SYTL2: variants seen among roughly 807,000 people sequenced by gnomAD.
SYTL2 encodes the protein synaptotagmin-like protein 2.
Under a neutral mutation model 198.7 loss-of-function variants are expected in SYTL2, and 165 were observed. The ratio of observed to expected loss-of-function variants is 0.83; its 90% confidence interval spans 0.73 to 0.94. SYTL2 has a LOEUF of 0.94. Ranked by LOEUF, SYTL2 falls within the 40% of genes least tolerant of loss-of-function variation. SYTL2 has a pLI of 0.00. For synonymous variants in SYTL2, 966 were observed against 917.7 expected, an observed-to-expected ratio of 1.05 and a Z score of -0.95; for missense variants, 2,835 against 2,582.8, an observed-to-expected ratio of 1.10 and a Z score of -2.12.
intron 1 of SYTL2, among the ~76,000 whole-genome samples, chr11:85,796,546 T>C (rs1190688867): frequency 6.6e-6 from 1 of 152,194 alleles, no homozygotes; most frequent in Admixed American, 6.5e-5. Context: ...CCTTCTCCAA[T>C]AGCTCTTTGT....
chr11:85,731,763 T>G (rs596029), intron 7 of SYTL2, among the ~76,000 whole-genome samples: 107,732 of 151,708 alleles, frequency 0.71, 38,854 homozygotes, highest in African/African-American at 0.83. Context: ...AGCTTCTTCA[T>G]AGCAAAAGAA....
the SYTL2 span, among the ~76,000 whole-genome samples, chr11:85,835,269 A>G: frequency 2.6e-5 from 4 of 152,180 alleles, no homozygotes; most frequent in Non-Finnish European, 5.9e-5. Context: ...CTAATTTGAA[A>G]TATCACTTTT....
Position 85,714,418 on chromosome 11 carries a change from C to G in SYTL2, c.5620G>C (p.Asp1874His), listed in dbSNP as rs1244540637. ...MSKSVPAFLQ[D>H]ESDDRETDTA... ...GGTACAAAAGACAAACTTGCCTCAT[C>G]TTGGAGAAATGCTGGAACAGACTTG... Residue 1874 changes from aspartate to histidine, a missense_variant, in exon 12 of 20, where the codon GAT (aspartate) becomes CAT (histidine). Asp to His is a moderately conservative substitution (Grantham distance 81). Transcript: ENST00000359152. The G allele has an allele frequency of 1.2e-6, 2 of 1,612,438 alleles. No individual in the cohort carries two copies. Among genetic ancestry groups the G allele is most frequent in the South Asian group, 1.1e-5 (1 of 91,030 alleles).
At chr11:85,749,445 G>A (rs1298599135) in intron 2 of SYTL2, among the ~76,000 whole-genome samples, 1 of 152,172 alleles carries the variant, frequency 6.6e-6, no homozygotes, top group East Asian at 1.9e-4. Flanking sequence ...GAATGTGAAT[G>A]GGCCAAGGTG....
At chr11:85,849,458 G>A in the SYTL2 span, among the ~76,000 whole-genome samples, 1 of 152,106 alleles carries the variant, frequency 6.6e-6, no homozygotes, top group East Asian at 1.9e-4. Flanking sequence ...ATCTTGAATT[G>A]ATTTTTGTAT....
the SYTL2 span, among the ~76,000 whole-genome samples, chr11:85,845,965 T>C: frequency 6.6e-6 from 1 of 152,204 alleles, no homozygotes; most frequent in African/African-American, 2.4e-5. Flanking sequence ...ACCACCACTT[T>C]ATTACAGCTC....
At chr11:85,834,007 G>C in the SYTL2 span, among the ~76,000 whole-genome samples, 1 of 152,004 alleles carries the variant, frequency 6.6e-6, no homozygotes, top group East Asian at 1.9e-4. Flanking sequence ...CCAAATTGCT[G>C]GGATTAAAGG....
chr11:85,792,653 G>A (rs1053409498), intron 1 of SYTL2, among the ~76,000 whole-genome samples: 2 of 150,788 alleles, frequency 1.3e-5, no homozygotes, highest in African/African-American at 4.9e-5. Flanking sequence ...TATACTTTAA[G>A]TTTTAGGGTA....
chr11:85,774,297 C>A (rs1488374144), intron 1 of SYTL2, among the ~76,000 whole-genome samples: 1 of 152,176 alleles, frequency 6.6e-6, no homozygotes, highest in Non-Finnish European at 1.5e-5. Flanking sequence ...GCAAAGTAGG[C>A]ACCATCACCC....
intron 1 of SYTL2, among the ~76,000 whole-genome samples, chr11:85,778,911 G>C (rs1372507161): frequency 2.0e-5 from 3 of 152,208 alleles, no homozygotes; most frequent in African/African-American, 7.2e-5. Flanking sequence ...CTGGGAGGCA[G>C]AGGTTGCGGT....
chr11:85,761,094 G>C (rs568118298), intron 1 of SYTL2, among the ~76,000 whole-genome samples: 3 of 152,316 alleles, frequency 2.0e-5, no homozygotes, highest in South Asian at 4.1e-4. Context: ...TGCAGCAAGG[G>C]AACAAGACAG....
chr11:85,727,023 C>A lies in SYTL2; in HGVS notation c.2335G>T (p.Val779Phe). The stretch of plus-strand genomic sequence containing the variant: ...TCTCTCTGCACTTGGTTCTTGGGAA[C>A]CTCACCAGCTTCTTGCTGGAATTGG... ...EVQFQQEAGE[V>F]PKNQVQREKY... The change falls in exon 8 of 20, where the codon GTT becomes TTT. Residue 779 changes from valine (V) to phenylalanine (F), a missense_variant. Val to Phe is a conservative substitution (Grantham distance 50, BLOSUM62 -1). Coordinates refer to ENST00000359152, the MANE Select transcript of SYTL2 (RefSeq NM_206927.4). 1.0e-5 allele frequency: 16 copies of A among 1,536,496 alleles called. No individual in the cohort carries two copies. The highest frequency in any genetic ancestry group is 1.2e-5 in the Non-Finnish European group (14 of 1,146,974).
At chr11:85,818,146 AC>A in the SYTL2 span, among the ~76,000 whole-genome samples, 1 of 151,908 alleles carries the variant, frequency 6.6e-6, no homozygotes, top group African/African-American at 2.4e-5. Flanking sequence ...CAAGTGATCC[AC>A]CTGCCCCAGC....
At chr11:85,785,954 C>G (rs997529175) in intron 1 of SYTL2, among the ~76,000 whole-genome samples, 11 of 152,166 alleles carry the variant, frequency 7.2e-5, no homozygotes, top group African/African-American at 2.2e-4. Context: ...TAAAAAAGTC[C>G]TGTTCATTCC....
In SYTL2 at chr11:85,726,029, G is replaced by C; in HGVS notation, c.3329C>G (p.Ser1110Ter). 1 of 1,613,018 alleles carries C rather than the reference G, an allele frequency of 6.2e-7. No individual in the cohort carries two copies. The highest frequency in any genetic ancestry group is 8.5e-7 in the Non-Finnish European group (1 of 1,179,656). Reference sequence around the variant, plus strand: ...TATGGATTCTTGAATCTCTTGTTCTGAGTAATCCTTTTCTTCCTTAAACAC... The same window carrying C: ...TATGGATTCTTGAATCTCTTGTTCTCAGTAATCCTTTTCTTCCTTAAACAC... ...TPVFKEEKDY[S>*]EQEIQESIIK... is the part of the protein sequence containing the mutation. The change falls in exon 8 of 20, where the codon TCA becomes TGA. Residue 1110 changes from serine to a stop codon, truncating the protein, a stop_gained. Transcript: ENST00000359152. LOFTEE classifies it high-confidence loss of function.
chr11:85,786,264 G>C (rs1410573863), intron 1 of SYTL2, among the ~76,000 whole-genome samples: 3 of 152,192 alleles, frequency 2.0e-5, no homozygotes, highest in Non-Finnish European at 4.4e-5. Flanking sequence ...TGTGGAGGCT[G>C]TAGGGAGGTG....
intron 13 of SYTL2, among the ~76,000 whole-genome samples, chr11:85,709,786 G>A (rs956500497): frequency 2.6e-5 from 4 of 152,028 alleles, no homozygotes; most frequent in Admixed American, 1.3e-4. Flanking sequence ...AGGTTCAGGC[G>A]ATTCTCCTGA....
chr11:85,760,699 TG>T (rs1388735354), intron 1 of SYTL2, among the ~76,000 whole-genome samples: 4 of 152,046 alleles, frequency 2.6e-5, no homozygotes, highest in Non-Finnish European at 1.5e-5. Context: ...CGTCTAGCAG[TG>T]GTAACTGGCA....
the SYTL2 span, among the ~76,000 whole-genome samples, chr11:85,850,262 A>G: frequency 6.6e-6 from 1 of 151,422 alleles, no homozygotes; most frequent in Non-Finnish European, 1.5e-5. Flanking sequence ...CTCTTTTCCT[A>G]ATTGAATACC....
Sources: gnomAD v4.1 joint callset for allele counts (sites outside exome capture counted in the v4.1 genomes callset) on GRCh38, gnomAD v4.1.1 for gene constraint, MANE v1.5 for transcripts, NCBI Gene and HGNC (gene_info 2026-07-23, HGNC 2026-07-21) for gene names.